SGCZ: variants seen among roughly 807,000 people sequenced by gnomAD.
SGCZ encodes zeta-sarcoglycan.
In SGCZ, 40 loss-of-function variants were observed where a neutral mutation model predicts 41.3. That is an observed-to-expected ratio of 0.97 (90% confidence interval 0.75 to 1.26). The LOEUF (loss-of-function observed/expected upper bound fraction) is 1.26. Ranked by LOEUF, SGCZ falls within the 50% of genes most tolerant of loss-of-function variation. The pLI, the probability that SGCZ is intolerant of heterozygous loss-of-function variation, is 0.00. For synonymous variants in SGCZ, 206 were observed against 137.5 expected, an observed-to-expected ratio of 1.50 and a Z score of -3.49; for missense variants, 552 against 369.8, an observed-to-expected ratio of 1.49 and a Z score of -4.04.
chr8:14,201,158 T>G (rs1441615838), intron 4 of SGCZ, among the ~76,000 whole-genome samples: 1 of 152,130 alleles, frequency 6.6e-6, no homozygotes, highest in African/African-American at 2.4e-5. Context: ...AGCGAAATGC[T>G]CATACAGGCA....
At chr8:14,151,137 ATAACT>A (rs546972131) in intron 5 of SGCZ, among the ~76,000 whole-genome samples, 34 of 152,296 alleles carry the variant, frequency 2.2e-4, no homozygotes, top group African/African-American at 8.2e-4. Flanking sequence ...ATAGTCAATA[ATAACT>A]TAATTGCACA....
intron 1 of SGCZ, among the ~76,000 whole-genome samples, chr8:15,107,205 G>T (rs1191376188): frequency 6.6e-6 from 1 of 152,100 alleles, no homozygotes; most frequent in Admixed American, 6.6e-5. Context: ...TGCTGATTTT[G>T]TAACAATATT....
intron 1 of SGCZ, among the ~76,000 whole-genome samples, chr8:15,015,140 G>T (rs1230390442): frequency 6.6e-6 from 1 of 152,078 alleles, no homozygotes; most frequent in Admixed American, 6.5e-5. Flanking sequence ...CTACTTGGGA[G>T]GCTGAGGTGG....
At chr8:14,696,781 AAGGGGGATGTATCCTGGAAT>A (rs1283515253) in intron 1 of SGCZ, among the ~76,000 whole-genome samples, 12 of 151,696 alleles carry the variant, frequency 7.9e-5, no homozygotes, top group Admixed American at 6.6e-5. Flanking sequence ...TGTTTGCCAA[AAGGGGGATGTATCCTGGAAT>A]ACACCTTTAA....
chr8:14,486,500 T>C (rs777702590), intron 2 of SGCZ, among the ~76,000 whole-genome samples: 1 of 152,236 alleles, frequency 6.6e-6, no homozygotes, highest in Non-Finnish European at 1.5e-5. Flanking sequence ...CAAACATTAT[T>C]TGTAAACACT....
intron 1 of SGCZ, among the ~76,000 whole-genome samples, chr8:14,913,107 CA>C (rs746548319): frequency 6.6e-6 from 1 of 151,946 alleles, no homozygotes; most frequent in Non-Finnish European, 1.5e-5. Flanking sequence ...AAAAGGTGTA[CA>C]AATATTGGTA....
At position 14,086,778 on chromosome 8, in the gene SGCZ, G is replaced by A. The variant is rs542196609; in HGVS notation, c.*3665C>T. ...GCATAGGAAGTAGCGTGCCAAAAAG[G>A]TTTGTATTTCAACTTTTATAAGCAG... On this transcript the variant is annotated 3_prime_UTR_variant, in exon 8 of 8. Transcript: ENST00000382080. 2.0e-4 allele frequency among the ~76,000 whole-genome samples: 30 copies of A among 150,198 alleles called. No homozygotes were observed. In the South Asian group the frequency reaches 4.6e-3, roughly 23 times the overall value.
intron 3 of SGCZ, among the ~76,000 whole-genome samples, chr8:14,267,455 G>C (rs935414943): frequency 2.0e-5 from 3 of 152,052 alleles, no homozygotes; most frequent in Admixed American, 6.6e-5. Flanking sequence ...GAGAAATAGT[G>C]AACTGGACAT....
intron 2 of SGCZ, among the ~76,000 whole-genome samples, chr8:14,356,143 C>A (rs561951507): frequency 6.6e-6 from 1 of 152,146 alleles, no homozygotes. Context: ...CAAGATTTTG[C>A]CCAACTGTAG....
chr8:14,734,187 C>A (rs1798958002), intron 1 of SGCZ, among the ~76,000 whole-genome samples: 1 of 152,176 alleles, frequency 6.6e-6, no homozygotes, highest in Non-Finnish European at 1.5e-5. Context: ...CATTGTGACT[C>A]TGGCAGCTGG....
intron 1 of SGCZ, among the ~76,000 whole-genome samples, chr8:14,954,620 G>A (rs930071890): frequency 3.9e-5 from 6 of 152,088 alleles, no homozygotes; most frequent in Non-Finnish European, 5.9e-5. Flanking sequence ...CAAAGAAGAG[G>A]TAAGGGGCAA....
chr8:14,680,654 G>C (rs28462260), intron 1 of SGCZ, among the ~76,000 whole-genome samples: 1 of 150,974 alleles, frequency 6.6e-6, no homozygotes, highest in Non-Finnish European at 1.5e-5. Context: ...AGACTGGTGA[G>C]GAGAGACATA....
At chr8:15,073,398 C>G (rs1035511583) in intron 1 of SGCZ, among the ~76,000 whole-genome samples, 1 of 152,072 alleles carries the variant, frequency 6.6e-6, no homozygotes, top group African/African-American at 2.4e-5. Flanking sequence ...ACATCACTCA[C>G]AAATCCTGAG....
chr8:14,324,899 G>A (rs960269007), intron 2 of SGCZ, among the ~76,000 whole-genome samples: 14 of 152,112 alleles, frequency 9.2e-5, no homozygotes, highest in African/African-American at 3.4e-4. Flanking sequence ...TTAAGAATGT[G>A]GAATTTCAAC....
At chr8:14,370,425 A>T (rs1803869754) in intron 2 of SGCZ, among the ~76,000 whole-genome samples, 3 of 151,880 alleles carry the variant, frequency 2.0e-5, no homozygotes, top group Admixed American at 2.0e-4. Context: ...CAACACGGTA[A>T]TTTATTTATT....
At chr8:14,130,291 GA>G (rs140894776) in intron 5 of SGCZ, among the ~76,000 whole-genome samples, 53 of 144,632 alleles carry the variant, frequency 3.7e-4, no homozygotes, top group African/African-American at 1.3e-3. Context: ...CCTCTAAAAT[GA>G]AAAAAAAAAC....
At chr8:14,881,160 C>A (rs1413315549) in intron 1 of SGCZ, among the ~76,000 whole-genome samples, 1 of 151,974 alleles carries the variant, frequency 6.6e-6, no homozygotes, top group Non-Finnish European at 1.5e-5. Flanking sequence ...TACAATTTTC[C>A]TAATATTATT....
intron 1 of SGCZ, among the ~76,000 whole-genome samples, chr8:15,061,542 A>AAAAAC (rs397963830): frequency 2.6e-5 from 4 of 151,156 alleles, no homozygotes; most frequent in African/African-American, 9.7e-5. Context: ...AAAAAAAAAA[A>AAAAAC]CAGGAAAAAA....
chr8:14,934,308 T>C (rs1249237724), intron 1 of SGCZ, among the ~76,000 whole-genome samples: 2 of 152,076 alleles, frequency 1.3e-5, no homozygotes, highest in East Asian at 3.9e-4. Context: ...GTATATAAAA[T>C]ATATGTGTCT....
Sources: gnomAD v4.1 joint callset for allele counts (sites outside exome capture counted in the v4.1 genomes callset) on GRCh38, gnomAD v4.1.1 for gene constraint, MANE v1.5 for transcripts, NCBI Gene and HGNC (gene_info 2026-07-23, HGNC 2026-07-21) for gene names.